EYS: variants seen among roughly 807,000 people sequenced by gnomAD.
EYS encodes EGF-like photoreceptor maintenance factor.
In EYS, 250 loss-of-function variants were observed where a neutral mutation model predicts 282.1. That is an observed-to-expected ratio of 0.89 (90% CI 0.80 to 0.98). The LOEUF (loss-of-function observed/expected upper bound fraction) is 0.98. Among genes scored for constraint, EYS ranks in the 50% least tolerant of loss-of-function variants. The pLI is 0.00. For synonymous variants in EYS, 1,355 were observed against 1,282.9 expected (o/e 1.06, Z -1.20); for missense variants, 4,016 against 3,709.0 (o/e 1.08, Z -2.15).
rs115771775 is a variant in EYS, at chr6:64,851,175, A to G, written c.2993-28353T>C. 3.8e-3 allele frequency among the ~76,000 whole-genome samples: 571 copies of G among 152,184 alleles called. 2 individuals carry two copies. The highest frequency in any genetic ancestry group is 0.013 in the African/African-American group (540 of 41,528). On this transcript the variant is annotated intron_variant, in intron 19 of 42. Coordinates refer to ENST00000503581, the MANE Select transcript of EYS (RefSeq NM_001142800.2). Reference sequence around the variant, plus strand: ...CTGCCACCATGCATGGAGAAGGTGGAGAACCTGATTCAGAAGTCACCAAAG... The same window carrying G: ...CTGCCACCATGCATGGAGAAGGTGGGGAACCTGATTCAGAAGTCACCAAAG...
intron 36 of EYS, among the ~76,000 whole-genome samples, chr6:63,817,296 T>G (rs1189963370): frequency 6.6e-6 from 1 of 152,146 alleles, no homozygotes; most frequent in Non-Finnish European, 1.5e-5. Flanking sequence ...ACCTAGAGGA[T>G]AGCAACAACT....
intron 36 of EYS, among the ~76,000 whole-genome samples, chr6:63,826,979 T>C (rs147622897): frequency 0.012 from 1,878 of 151,836 alleles, 32 homozygotes; most frequent in African/African-American, 0.044. Context: ...ACTTAAAAGA[T>C]ACAGAACAGC....
At chr6:64,173,694 G>T (rs186841625) in intron 31 of EYS, among the ~76,000 whole-genome samples, 1 of 152,190 alleles carries the variant, frequency 6.6e-6, no homozygotes, top group Non-Finnish European at 1.5e-5. Flanking sequence ...TACTTAAAAA[G>T]CAGGGTTCGA....
At chr6:65,388,145 G>T (rs949424489) in intron 7 of EYS, among the ~76,000 whole-genome samples, 1 of 151,838 alleles carries the variant, frequency 6.6e-6, no homozygotes. Flanking sequence ...CTGGATTTCA[G>T]GAAGCAAATA....
chr6:63,763,965 CCCTCACTCCCTG>C (rs1769718878), intron 40 of EYS, among the ~76,000 whole-genome samples: 2 of 150,152 alleles, frequency 1.3e-5, no homozygotes, highest in African/African-American at 4.9e-5. Flanking sequence ...CTCCCTCCCT[CCCTCACTCCCTG>C]CCTGCCTTTC....
chr6:64,652,733 A>T (rs748249593), intron 22 of EYS, among the ~76,000 whole-genome samples: 4 of 152,196 alleles, frequency 2.6e-5, no homozygotes, highest in Non-Finnish European at 4.4e-5. Context: ...GTCATTTATG[A>T]TAGCAAGTAA....
intron 26 of EYS, among the ~76,000 whole-genome samples, chr6:64,491,586 G>A (rs192413169): frequency 4.2e-4 from 64 of 150,648 alleles, no homozygotes; most frequent in African/African-American, 1.3e-3. Context: ...CACTTTTTAC[G>A]GTCTCAACTT....
intron 18 of EYS, among the ~76,000 whole-genome samples, chr6:64,887,296 GGGA>G (rs1485123625): frequency 8.2e-6 from 1 of 122,614 alleles, no homozygotes; most frequent in Non-Finnish European, 1.7e-5. Context: ...GGGGGGAGGG[GGGA>G]GGGATAGCAT....
intron 21 of EYS, among the ~76,000 whole-genome samples, chr6:64,820,809 G>A (rs2150021319): frequency 6.6e-6 from 1 of 152,142 alleles, no homozygotes; most frequent in East Asian, 1.9e-4. Flanking sequence ...ACCCCTCTCT[G>A]GAAGGGCCAC....
chr6:65,516,600 T>C (rs920181237), intron 2 of EYS, among the ~76,000 whole-genome samples: 1 of 152,128 alleles, frequency 6.6e-6, no homozygotes, highest in African/African-American at 2.4e-5. Context: ...GGGCAAGAGT[T>C]ACAATTTTAT....
chr6:64,831,947 A>T (rs1269759578), intron 19 of EYS, among the ~76,000 whole-genome samples: 1 of 151,948 alleles, frequency 6.6e-6, no homozygotes, highest in East Asian at 1.9e-4. Flanking sequence ...TAATTAGGCA[A>T]CTATGTTGAG....
chr6:63,877,153 G>A (rs1209379757), intron 35 of EYS, among the ~76,000 whole-genome samples: 2 of 152,112 alleles, frequency 1.3e-5, no homozygotes, highest in Non-Finnish European at 2.9e-5. Flanking sequence ...AGCTCTTTTA[G>A]GGCAGGCCTG....
chr6:64,757,989 TG>T (rs914581988), intron 22 of EYS, among the ~76,000 whole-genome samples: 8 of 152,118 alleles, frequency 5.3e-5, no homozygotes, highest in Non-Finnish European at 1.5e-5. Context: ...TTAGTCAGGA[TG>T]GTCTTGATCG....
chr6:63,791,014 C>T (rs1290998330), intron 37 of EYS, among the ~76,000 whole-genome samples: 1 of 152,102 alleles, frequency 6.6e-6, no homozygotes, highest in East Asian at 1.9e-4. Context: ...CCTTGACAGC[C>T]TGGTCAGGAG....
chr6:64,362,424 A>G (rs996456890), intron 29 of EYS, among the ~76,000 whole-genome samples: 26 of 151,766 alleles, frequency 1.7e-4, no homozygotes, highest in Admixed American at 6.6e-4. Flanking sequence ...GATGTTGAAG[A>G]CTTCTTTCTT....
chr6:65,639,384 T>A (rs1767202637), intron 2 of EYS, among the ~76,000 whole-genome samples: 1 of 152,060 alleles, frequency 6.6e-6, no homozygotes, highest in South Asian at 2.1e-4. Flanking sequence ...CTGTATATGT[T>A]TATCCATTAA....
At chr6:64,317,367 C>T (rs1246328186) in intron 29 of EYS, among the ~76,000 whole-genome samples, 4 of 150,516 alleles carry the variant, frequency 2.7e-5, no homozygotes, top group Admixed American at 6.6e-5. Context: ...AAAGTAGGCA[C>T]AGGATATGAA....
At chr6:64,110,514 TG>T (rs1381266513) in intron 31 of EYS, among the ~76,000 whole-genome samples, 2 of 151,966 alleles carry the variant, frequency 1.3e-5, no homozygotes, top group Non-Finnish European at 2.9e-5. Flanking sequence ...GATGCCTGTA[TG>T]GTGTTTGTTG....
Position 65,092,879 on chromosome 6 carries a change from G to C in EYS, c.2024-35152C>G, listed in dbSNP as rs532096033. Among the ~76,000 whole-genome samples the C allele has an allele frequency of 3.3e-5, 5 of 152,120 alleles. No individual in the cohort carries two copies. The South Asian group carries it at 1.0e-3, about 32-fold the overall frequency. On this transcript the variant is annotated intron_variant, in intron 12 of 42. Coordinates refer to ENST00000503581, the MANE Select transcript of EYS (RefSeq NM_001142800.2). ...ATACACATTGTGGGAGTCAAAGAAGGAGAATAAAAAGAGAAAAAGGCAGAA... is the reference window on the plus strand; with the variant it reads ...ATACACATTGTGGGAGTCAAAGAAGCAGAATAAAAAGAGAAAAAGGCAGAA...
Sources: allele counts gnomAD v4.1 joint callset (sites outside exome capture counted in the v4.1 genomes callset), GRCh38; gene constraint gnomAD v4.1.1; transcripts MANE v1.5; gene names NCBI Gene and HGNC (gene_info 2026-07-23, HGNC 2026-07-21).